Variants in CAPRIN2 observed in about 807,000 individuals in gnomAD.
CAPRIN2 encodes caprin-2.
In CAPRIN2, 66 loss-of-function variants were observed where a neutral mutation model predicts 130.4. That is an observed-to-expected ratio of 0.51 (90% CI 0.42 to 0.62). The LOEUF is 0.62. CAPRIN2 is among the 20% of genes least tolerant of loss of function. The pLI, the probability that CAPRIN2 is intolerant of heterozygous loss-of-function variation, is 0.00. For missense variants in CAPRIN2, 1,185 were observed against 1,246.6 expected (o/e 0.95, Z 0.74); for synonymous variants, 471 against 444.1 (o/e 1.06, Z -0.76).
intron 2 of CAPRIN2, among the ~76,000 whole-genome samples, chr12:30,747,668 A>AC (rs2071349529): frequency 6.6e-6 from 1 of 151,690 alleles, no homozygotes; most frequent in South Asian, 2.1e-4. Context: ...CAAGAGCCAA[A>AC]CACCGTCTCA....
chr12:30,739,663 C>T (rs1178902590), intron 3 of CAPRIN2, among the ~76,000 whole-genome samples: 2 of 150,246 alleles, frequency 1.3e-5, no homozygotes, highest in African/African-American at 2.5e-5. Context: ...TGCAGTGAGC[C>T]GAAATCGTGC....
At chr12:30,725,351 G>A (rs2060585917) in intron 9 of CAPRIN2, among the ~76,000 whole-genome samples, 1 of 152,082 alleles carries the variant, frequency 6.6e-6, no homozygotes, top group South Asian at 2.1e-4. Flanking sequence ...ATAAGTGTTG[G>A]AGGTTAAATA....
intron 12 of CAPRIN2, chr12:30,719,577 GA>G (rs1280334332): frequency 5.9e-6 from 1 of 169,572 alleles, no homozygotes; most frequent in Non-Finnish European, 1.2e-5. Flanking sequence ...TTGGATTTAA[GA>G]AAAAACTTGG....
chr12:30,710,005 A>C lies in CAPRIN2; in HGVS notation c.3131T>G (p.Leu1044Arg). 6.2e-7 allele frequency: 1 copy of C among 1,614,142 alleles called. No homozygotes were observed. The highest frequency in any genetic ancestry group is 8.5e-7 in the Non-Finnish European group (1 of 1,180,024). The change falls in exon 17 of 17, where the codon CTC becomes CGC. Residue 1044 changes from leucine (L) to arginine (R), a missense_variant. By Grantham distance (102) the Leu-to-Arg change is moderately radical. Transcript: ENST00000298892. The surrounding 1 kb of genome is among the most constrained non-coding windows in gnomAD (Gnocchi z 4.8). Reference sequence around the variant, plus strand: ...TAACCATATCTGGTCTCCCTGGAAGAGCTGAAGAATTGCATGATTGCTAGC... The same window carrying C: ...TAACCATATCTGGTCTCCCTGGAAGCGCTGAAGAATTGCATGATTGCTAGC...
At chr12:30,720,836 T>A (rs777564624) in exon 12 of CAPRIN2, 109 of 1,612,264 alleles carry the variant, frequency 6.8e-5, no homozygotes, top group Non-Finnish European at 8.7e-5. Flanking sequence ...GGTCATAAAC[T>A]CTGTTTCAGA....
At chr12:30,727,648 A>T (rs1233324558) in intron 8 of CAPRIN2, among the ~76,000 whole-genome samples, 1 of 152,214 alleles carries the variant, frequency 6.6e-6, no homozygotes, top group Non-Finnish European at 1.5e-5. Context: ...TGTACCCAAG[A>T]ATTATTCAAT....
At chr12:30,728,613 C>T in intron 8 of CAPRIN2, 35 bp downstream of exon 9, 1 of 1,497,136 alleles carries the variant, frequency 6.7e-7, no homozygotes, top group Non-Finnish European at 9.0e-7. Flanking sequence ...TTTATGCCTA[C>T]ACTTACAGAA....
chr12:30,739,038 C>T (rs531220663), intron 3 of CAPRIN2, among the ~76,000 whole-genome samples: 1 of 152,310 alleles, frequency 6.6e-6, no homozygotes, highest in East Asian at 1.9e-4. Flanking sequence ...TTTGACCCAA[C>T]AATCCCATCA....
chr12:30,721,582 T>C (rs74348100), intron 11 of CAPRIN2, among the ~76,000 whole-genome samples: 2,732 of 152,294 alleles, frequency 0.018, 71 homozygotes, highest in African/African-American at 0.062. Context: ...AAGAATTCTA[T>C]CGCACAACAG....
intron 3 of CAPRIN2, 72 bp downstream of exon 4, chr12:30,740,948 T>C (rs1219568084): frequency 2.3e-6 from 2 of 876,506 alleles, no homozygotes; most frequent in Non-Finnish European, 3.8e-6. Flanking sequence ...TACTAGACAC[T>C]GACACACTGA....
intron 3 of CAPRIN2, among the ~76,000 whole-genome samples, chr12:30,738,866 C>T (rs924418463): frequency 1.3e-5 from 2 of 152,118 alleles, no homozygotes; most frequent in African/African-American, 4.8e-5. Flanking sequence ...CCATCTCATA[C>T]CAGTCAGAAT....
intron 9 of CAPRIN2, among the ~76,000 whole-genome samples, chr12:30,725,233 G>T (rs1270271567): frequency 6.6e-6 from 1 of 152,168 alleles, no homozygotes; most frequent in African/African-American, 2.4e-5. Context: ...GGTTCTCTCA[G>T]AAAAGTTTCC....
At chr12:30,716,978 G>C (rs2057795834) in intron 12 of CAPRIN2, among the ~76,000 whole-genome samples, 1 of 152,204 alleles carries the variant, frequency 6.6e-6, no homozygotes, top group South Asian at 2.1e-4. Flanking sequence ...GAACCCTCAT[G>C]CATTGCCGGT....
rs1316017146 is a variant in CAPRIN2, at chr12:30,729,394, A to G, written c.1105-69T>C. The G allele has an allele frequency of 2.7e-6, 3 of 1,107,528 alleles. No individual in the cohort carries two copies. In the Admixed American group the frequency reaches 7.3e-5, roughly 27 times the overall value. 68.6% of individuals were successfully genotyped at this position (1,107,528 alleles called of 1,614,324 possible). On this transcript the variant is annotated intron_variant, in intron 7 of 16. Transcript: ENST00000298892. ...GACCTTGGAGGGAATATTCAACTCTATTAGTATTGCTATGTCCTCTGATCT... is the reference window on the plus strand; with the variant it reads ...GACCTTGGAGGGAATATTCAACTCTGTTAGTATTGCTATGTCCTCTGATCT...
At chr12:30,712,045 T>C (rs377595246) in intron 15 of CAPRIN2, among the ~76,000 whole-genome samples, 74 of 152,254 alleles carry the variant, frequency 4.9e-4, no homozygotes, top group African/African-American at 1.8e-3. Flanking sequence ...GGAAGACCAA[T>C]ACCAACTGTG....
At chr12:30,731,654 A>C in intron 5 of CAPRIN2, 144 bp from the exon 7 acceptor site, 1 of 650,662 alleles carries the variant, frequency 1.5e-6, no homozygotes, top group Non-Finnish European at 2.6e-6. Flanking sequence ...AATAGTTTAC[A>C]ACAGTTTACA....
chr12:30,719,038 G>A (rs2058543549), intron 12 of CAPRIN2, 41 bp downstream of exon 14: 2 of 1,574,296 alleles, frequency 1.3e-6, no homozygotes, highest in Non-Finnish European at 1.7e-6. Context: ...GCTTTTAACA[G>A]GAATAATGAA....
chr12:30,733,555 C>A, intron 5 of CAPRIN2, 74 bp downstream of exon 6: 1 of 964,970 alleles, frequency 1.0e-6, no homozygotes, highest in Non-Finnish European at 1.7e-6. Flanking sequence ...CAGTTTAGAC[C>A]CTCAATATCA....
intron 11 of CAPRIN2, 101 bp from the exon 13 acceptor site, chr12:30,721,016 C>A: frequency 1.3e-6 from 1 of 762,600 alleles, no homozygotes; most frequent in Non-Finnish European, 2.3e-6. Flanking sequence ...ACTGAACACG[C>A]ACATGTGTCA....
Sources: allele counts gnomAD v4.1 joint callset (sites outside exome capture counted in the v4.1 genomes callset), GRCh38; gene constraint gnomAD v4.1.1; non-coding constraint Gnocchi (gnomAD v3.1); transcripts MANE v1.5; gene names NCBI Gene and HGNC (gene_info 2026-07-23, HGNC 2026-07-21).